The following CROCC variants were observed in gnomAD, a reference collection of about 807,000 sequenced individuals.
CROCC encodes ciliary rootlet coiled-coil, rootletin.
A neutral mutation model predicts 245.2 loss-of-function variants in CROCC; 180 were observed. The observed-to-expected ratio is 0.73, with a 90% CI of 0.65 to 0.83. CROCC has a LOEUF of 0.83. Ranked by LOEUF, CROCC falls within the 40% of genes least tolerant of loss-of-function variation. The pLI is 0.00. For synonymous variants in CROCC, 1,205 were observed against 1,241.6 expected, an observed-to-expected ratio of 0.97 and a Z score of 0.62; for missense variants, 2,688 against 2,779.4, an observed-to-expected ratio of 0.97 and a Z score of 0.74.
chr1:16,952,848 T>G (rs2076185467), intron 20 of CROCC, among the ~76,000 whole-genome samples: 1 of 152,214 alleles, frequency 6.6e-6, no homozygotes, highest in Admixed American at 6.5e-5. Flanking sequence ...AGATTGCTCC[T>G]TGTCACCTTG....
At chr1:16,939,216 G>GTGGGAA in intron 12 of CROCC, 74 bp downstream of exon 12, 1 of 1,261,124 alleles carries the variant, frequency 7.9e-7, no homozygotes, top group Non-Finnish European at 1.0e-6. Flanking sequence ...GGGTGGGGGC[G>GTGGGAA]GGGGCGGGGG....
chr1:16,925,921 C>A (rs572059259), intron 3 of CROCC, among the ~76,000 whole-genome samples: 3 of 152,380 alleles, frequency 2.0e-5, no homozygotes, highest in African/African-American at 7.2e-5. Flanking sequence ...AGCCAGGCAC[C>A]CCTTTCTTTT....
intron 17 of CROCC, among the ~76,000 whole-genome samples, chr1:16,947,487 A>AATAATAATAATAATAATAATAATG (rs1266136687): frequency 1.5e-3 from 224 of 150,290 alleles, no homozygotes; most frequent in African/African-American, 5.4e-3. Flanking sequence ...TAATAATAAT[A>AATAATAATAATAATAATAATAATG]ATAATAATAA....
rs1348516609 is a variant in CROCC, at chr1:16,930,214, G to A, written c.621+7G>A. 1.3e-6 allele frequency: 2 copies of A among 1,588,294 alleles called. No homozygotes were observed. The highest frequency in any genetic ancestry group is 1.7e-6 in the Non-Finnish European group (2 of 1,168,058). On this transcript the variant is annotated splice_region_variant and intron_variant, in intron 5 of 36. Transcript: ENST00000375541. ...GGAGCAGCAGCGGCTGAGGGTGGGTGCCAGTGTGGGGCAGGGGCAGGCCCT... is the reference window on the plus strand; with the variant it reads ...GGAGCAGCAGCGGCTGAGGGTGGGTACCAGTGTGGGGCAGGGGCAGGCCCT...
chr1:16,951,643 G>A (rs978595419), intron 20 of CROCC, among the ~76,000 whole-genome samples: 3 of 152,242 alleles, frequency 2.0e-5, no homozygotes, highest in South Asian at 2.1e-4. Flanking sequence ...TCTGCATAGA[G>A]GGCTTAGCAT....
At position 16,950,892 on chromosome 1, in the gene CROCC, C is replaced by T. The variant is rs1326304267; in HGVS notation, c.2837-61C>T. The T allele has an allele frequency of 1.3e-5, 18 of 1,425,724 alleles. 1 individual carries two copies. Among genetic ancestry groups the T allele is most frequent in the Non-Finnish European group, 1.9e-6 (2 of 1,077,834 alleles). The allele number at this position is 1,425,724 out of a possible 1,614,324, so 88.3% of individuals were successfully genotyped here. On this transcript the variant is annotated intron_variant, in intron 19 of 36. Transcript: ENST00000375541. ...CCCATGTGGCTCACCTGGCCTAAGTCTGCTGGCCCAAGGAAAAGTTTCAAC... is the reference window on the plus strand; with the variant it reads ...CCCATGTGGCTCACCTGGCCTAAGTTTGCTGGCCCAAGGAAAAGTTTCAAC...
chr1:16,972,636 T>C lies in CROCC; in HGVS notation c.*190T>C. 1.9e-6 allele frequency: 1 copy of C among 524,066 alleles called. No individual in the cohort carries two copies. Among genetic ancestry groups the C allele is most frequent in the South Asian group, 2.7e-5 (1 of 37,392 alleles). The allele number at this position is 524,066 out of a possible 1,614,324, so 32.5% of individuals were successfully genotyped here. On this transcript the variant is annotated 3_prime_UTR_variant, in exon 37 of 37. Coordinates refer to ENST00000375541, the MANE Select transcript of CROCC (RefSeq NM_014675.5). Reference sequence around the variant, plus strand: ...CCTGGAGAGGCTTCCCAGCAACACCTGCAGTCCAGCCCCCCTCTTCTAGGA... The same window carrying C: ...CCTGGAGAGGCTTCCCAGCAACACCCGCAGTCCAGCCCCCCTCTTCTAGGA...
chr1:16,922,813 C>T lies in CROCC; in HGVS notation c.196+15C>T, dbSNP rs191479229. ...TGAGAGCCCAGGTGCCACCCCCATC[C>T]GCTCCCCTCCACAAACACCACCCAC... is the stretch of plus-strand genomic sequence containing the variant. On this transcript the variant is annotated intron_variant, in intron 2 of 36. Coordinates refer to ENST00000375541, the MANE Select transcript of CROCC (RefSeq NM_014675.5). 2.3e-3 allele frequency: 3,688 copies of T among 1,605,776 alleles called. No homozygotes were observed. The highest frequency in any genetic ancestry group is 1.4e-3 in the Non-Finnish European group (1,626 of 1,176,576).
At position 16,960,809 on chromosome 1, in the gene CROCC, C is replaced by G. The variant is rs868208804; in HGVS notation, c.4084C>G (p.Arg1362Gly). The change falls in exon 27 of 37, where the codon CGC becomes GGC. Residue 1362 changes from arginine (R) to glycine (G), a missense_variant. Around this residue, in one of 9 missense-constraint regions of CROCC, gnomAD observed 1,218 missense variants for 1,286.3 expected, o/e 0.95. Transcript: ENST00000375541. ...LQEQEGEFRTRERRLLGSLEE... is the reference protein window; with the variant it reads ...LQEQEGEFRTGERRLLGSLEE... ...GGAACAAGAAGGCGAGTTCCGGACC[C>G]GCGAGCGACGCCTGCTGGGCTCCCT... 1.3e-6 allele frequency: 2 copies of G among 1,524,480 alleles called. No individual in the cohort carries two copies. Among genetic ancestry groups the G allele is most frequent in the South Asian group, 2.4e-5 (2 of 83,188 alleles). 94.4% of individuals were successfully genotyped at this position (1,524,480 alleles called of 1,614,324 possible). A position where few individuals can be genotyped will look rare whatever the true frequency, so the allele number is the denominator to read the frequency against.
chr1:16,954,040 C>CGGGATTCTTGTGG lies in CROCC; in HGVS notation c.3187-171_3187-170insGGGGATTCTTGTG, dbSNP rs1273559078. On this transcript the variant is annotated intron_variant, in intron 21 of 36. Transcript: ENST00000375541. This position sits in a 1 kb window ranked among gnomAD's most constrained non-coding sequence, Gnocchi z 4.4. ...GAGCTCTATGAGTGGTATCCACGTC[C>CGGGATTCTTGTGG]GGGATTCTTGTGACTGCCGTTGTGC... 3 of 555,970 alleles carry CGGGATTCTTGTGG rather than the reference C, an allele frequency of 5.4e-6. No homozygotes were observed. The highest frequency in any genetic ancestry group is 6.1e-5 in the Admixed American group (2 of 32,916). 34.4% of individuals were successfully genotyped at this position (555,970 alleles called of 1,614,324 possible).
rs373079204 is a variant in CROCC, at chr1:16,953,759, C to T, written c.3186+278C>T. The T allele has an allele frequency of 6.8e-4, 255 of 376,964 alleles. 2 individuals carry two copies. In the South Asian group the frequency reaches 8.5e-3, roughly 13 times the overall value. The allele number at this position is 376,964 out of a possible 1,614,324, so 23.4% of individuals were successfully genotyped here. On this transcript the variant is annotated intron_variant, in intron 21 of 36. Transcript: ENST00000375541. ...TTCTCCCATGCCTCGTCCCACCCCA[C>T]GCTGGGCATGGATCCTCATGGCTGC...
chr1:16,943,142 T>G (rs1000422112), intron 13 of CROCC, among the ~76,000 whole-genome samples: 3 of 152,218 alleles, frequency 2.0e-5, no homozygotes, highest in African/African-American at 7.2e-5. Flanking sequence ...CTTGGGAGGC[T>G]GAGGCAGGAG....
intron 27 of CROCC, among the ~76,000 whole-genome samples, chr1:16,964,040 T>C (rs2076378387): frequency 6.6e-6 from 1 of 152,016 alleles, no homozygotes; most frequent in Non-Finnish European, 1.5e-5. Flanking sequence ...TCAGGTGATC[T>C]GCCCGCCTCG....
In CROCC at chr1:16,966,063, A is replaced by C. The variant is rs755789797; in HGVS notation, c.4640A>C (p.Asp1547Ala). 1 of 1,613,884 alleles carries C rather than the reference A, an allele frequency of 6.2e-7. No individual in the cohort carries two copies. Residue 1547 changes from aspartate to alanine, a missense_variant, in exon 29 of 37, where the codon GAC becomes GCC. Coordinates refer to ENST00000375541, the MANE Select transcript of CROCC (RefSeq NM_014675.5). This position sits in a 1 kb window ranked among gnomAD's most constrained non-coding sequence, Gnocchi z 4.8. ...CTGGCCGAGATGGAGGCTGAGAGGG[A>C]CAGCGCAACCTCGAGGGCCAGGCAG... Reference protein sequence around the residue: ...RQLAEMEAERDSATSRARQLQ... With the variant: ...RQLAEMEAERASATSRARQLQ...
At position 16,946,880 on chromosome 1, in the gene CROCC, G is replaced by A; in HGVS notation, c.2403G>A (p.Arg801=). The change falls in exon 17 of 37, where the codon CGG becomes CGA. Residue 801 remains arginine (R), a synonymous_variant. Transcript: ENST00000375541. ...TGCGGTTGGAGCAGGAGGTGGCGCG[G>A]CAGGGCCTGGAGGGCTCCCTACGAG... ...EELRLEQEVA[R]QGLEGSLRVA... is the part of the protein sequence containing the mutation. 2 of 1,561,704 alleles carry A rather than the reference G, an allele frequency of 1.3e-6. No homozygotes were observed. The highest frequency in any genetic ancestry group is 1.7e-6 in the Non-Finnish European group (2 of 1,153,122).
chr1:16,970,858 GC>G, intron 35 of CROCC, 91 bp downstream of exon 35: 1 of 1,404,316 alleles, frequency 7.1e-7, no homozygotes, highest in Non-Finnish European at 9.3e-7. Context: ...CCAGCCCAGG[GC>G]CCATAACCCC....
intron 25 of CROCC, among the ~76,000 whole-genome samples, chr1:16,958,041 T>C (rs2076275038): frequency 1.3e-5 from 2 of 152,188 alleles, no homozygotes; most frequent in South Asian, 4.1e-4. Context: ...ACATTGCCGT[T>C]GTCTCAGATC....
At position 16,927,910 on chromosome 1, in the gene CROCC, C is replaced by T. The variant is rs546209707; in HGVS notation, c.352-1936C>T. On this transcript the variant is annotated intron_variant, in intron 3 of 36. Coordinates refer to ENST00000375541, the MANE Select transcript of CROCC (RefSeq NM_014675.5). ...GCCCCCAAGTAGTCACAGTTAGCTC[C>T]TCCCTATTGGTGGGGCTGCCATGCA... Among the ~76,000 whole-genome samples, 43 of 152,390 alleles carry T rather than the reference C, an allele frequency of 2.8e-4. No individual in the cohort carries two copies. The South Asian group carries it at 8.7e-3, about 31-fold the overall frequency.
Position 16,963,322 on chromosome 1 carries a change from C to T in CROCC, c.4405+2192C>T, listed in dbSNP as rs533892665. On this transcript the variant is annotated intron_variant, in intron 27 of 36. Transcript: ENST00000375541. Reference sequence around the variant, plus strand: ...GAGCAGCTGGGAGGGGGACTCGGGGCGAGTAGGGAGGTCCTGAGTGGAGGT... The same window carrying T: ...GAGCAGCTGGGAGGGGGACTCGGGGTGAGTAGGGAGGTCCTGAGTGGAGGT... Among the ~76,000 whole-genome samples, 34 of 151,222 alleles carry T rather than the reference C, an allele frequency of 2.2e-4. No homozygotes were observed. The East Asian group carries it at 3.7e-3, about 16-fold the overall frequency.
Sources: gnomAD v4.1 joint callset for allele counts (sites outside exome capture counted in the v4.1 genomes callset) on GRCh38, gnomAD v4.1.1 for gene constraint, gnomAD v4.1.1 regional missense constraint, Gnocchi (gnomAD v3.1) non-coding constraint, MANE v1.5 for transcripts, NCBI Gene and HGNC (gene_info 2026-07-23, HGNC 2026-07-21) for gene names.